NDUFS4: variants seen among roughly 807,000 people sequenced by gnomAD.
NDUFS4 encodes the protein NADH:ubiquinone oxidoreductase subunit S4, also known as NADH dehydrogenase [ubiquinone] iron-sulfur protein 4, mitochondrial.
A neutral mutation model predicts 24.3 loss-of-function variants in NDUFS4; 28 were observed. The observed-to-expected ratio is 1.15, with a 90% CI of 0.85 to 1.58. The LOEUF (loss-of-function observed/expected upper bound fraction) is 1.58, where lower values mean the gene tolerates loss of function less well. Ranked by LOEUF, NDUFS4 falls within the 40% of genes most tolerant of loss-of-function variation. The pLI is 0.00. For synonymous variants in NDUFS4, 93 were observed against 69.7 expected, an observed-to-expected ratio of 1.34 and a Z score of -1.67; for missense variants, 223 against 207.9, an observed-to-expected ratio of 1.07 and a Z score of -0.45.
At chr5:53,632,946 A>G (rs1013065788) in intron 2 of NDUFS4, among the ~76,000 whole-genome samples, 6 of 152,138 alleles carry the variant, frequency 3.9e-5, no homozygotes, top group African/African-American at 1.4e-4. Context: ...GATGTTCTCA[A>G]TTCTCTTTAT....
chr5:53,584,810 C>T (rs184263351), intron 1 of NDUFS4, among the ~76,000 whole-genome samples: 1 of 151,944 alleles, frequency 6.6e-6, no homozygotes, highest in Admixed American at 6.6e-5. Context: ...CTCTGTCGCC[C>T]AAGGTGGAGT....
chr5:53,632,356 C>A (rs1184987239), intron 2 of NDUFS4, among the ~76,000 whole-genome samples: 4 of 152,168 alleles, frequency 2.6e-5, no homozygotes, highest in African/African-American at 9.7e-5. Flanking sequence ...AGTTGCTCTT[C>A]TTCTTACGTT....
At position 53,658,418 on chromosome 5, in the gene NDUFS4, A is replaced by G. The variant is rs369970681; in HGVS notation, c.351-133A>G. 13 of 663,394 alleles carry G rather than the reference A, an allele frequency of 2.0e-5. No homozygotes were observed. The East Asian group carries it at 3.1e-4, about 16-fold the overall frequency. 41.1% of individuals were successfully genotyped at this position (663,394 alleles called of 1,614,324 possible). ...GTATTCCAACTAACAGTTTTAAAGA[A>G]ATTATTACAAATAAAATATTCCATC... On this transcript the variant is annotated intron_variant, in intron 3 of 4. Coordinates refer to ENST00000296684, the MANE Select transcript of NDUFS4 (RefSeq NM_002495.4).
At chr5:53,598,734 A>G (rs1248120889) in intron 1 of NDUFS4, among the ~76,000 whole-genome samples, 1 of 152,220 alleles carries the variant, frequency 6.6e-6, no homozygotes, top group Non-Finnish European at 1.5e-5. Flanking sequence ...AGTTAGAAAT[A>G]AGGTTTATTG....
At position 53,591,461 on chromosome 5, in the gene NDUFS4, T is replaced by TGGG. The variant is rs374748766; in HGVS notation, c.99-11981_99-11979dup. 5.1e-3 allele frequency among the ~76,000 whole-genome samples: 412 copies of TGGG among 80,958 alleles called. 2 individuals carry two copies. The highest frequency in any genetic ancestry group is 8.3e-3 in the African/African-American group (164 of 19,790). 53.1% of individuals were successfully genotyped at this position (80,958 alleles called of 152,430 possible). A position where few individuals can be genotyped will look rare whatever the true frequency, so the allele number is the denominator to read the frequency against. ...CTTGCTACTTTTTGTTTGTTTTTTTTGGGGGGGGGGGGTGATAATAACTAT... is the reference window on the plus strand; with the variant it reads ...CTTGCTACTTTTTGTTTGTTTTTTTTGGGGGGGGGGGGGGGTGATAATAACTAT... On this transcript the variant is annotated intron_variant, in intron 1 of 4. Coordinates refer to ENST00000296684, the MANE Select transcript of NDUFS4 (RefSeq NM_002495.4).
intron 1 of NDUFS4, among the ~76,000 whole-genome samples, chr5:53,600,906 G>A (rs1750293138): frequency 6.6e-6 from 1 of 151,532 alleles, no homozygotes; most frequent in African/African-American, 2.4e-5. Flanking sequence ...TAACTTTATG[G>A]TAGGATTGTT....
rs1429314430 is a variant in NDUFS4 at position 53,646,357 on chromosome 5, T to A, written c.302T>A (p.Phe101Tyr). 6.2e-7 allele frequency: 1 copy of A among 1,613,904 alleles called. No homozygotes were observed. The highest frequency in any genetic ancestry group is 1.1e-5 in the South Asian group (1 of 91,068). Residue 101 changes from phenylalanine to tyrosine, a missense_variant, in exon 3 of 5, where the codon TTT becomes TAT. By Grantham distance (22) the Phe-to-Tyr change is conservative. Coordinates refer to ENST00000296684, the MANE Select transcript of NDUFS4 (RefSeq NM_002495.4). Reference sequence around the variant, plus strand: ...AACACAAAGAAATGGAAGATGGAGTTTGATACCAGAGAGCGATGGGAAAAT... The same window carrying A: ...AACACAAAGAAATGGAAGATGGAGTATGATACCAGAGAGCGATGGGAAAAT... ...VNNTKKWKME[F>Y]DTRERWENPL... is the part of the protein sequence containing the mutation.
chr5:53,657,104 T>C (rs187143446), intron 3 of NDUFS4, among the ~76,000 whole-genome samples: 289 of 152,334 alleles, frequency 1.9e-3, no homozygotes, highest in Admixed American at 4.2e-3. Context: ...AACAGAGTTC[T>C]GATCTCCTGG....
At chr5:53,580,593 A>G (rs10036010) in intron 1 of NDUFS4, among the ~76,000 whole-genome samples, 19,240 of 152,228 alleles carry the variant, frequency 0.13, 1,293 homozygotes, top group Middle Eastern at 0.16. Context: ...CAAATCCAGC[A>G]TACCTGAAAC....
intron 4 of NDUFS4, among the ~76,000 whole-genome samples, chr5:53,675,032 T>C (rs1740411656): frequency 6.6e-6 from 1 of 151,932 alleles, no homozygotes; most frequent in Non-Finnish European, 1.5e-5. Flanking sequence ...AAAGTACTTG[T>C]AGCTTAAAAT....
chr5:53,599,887 T>C (rs1007835776), intron 1 of NDUFS4, among the ~76,000 whole-genome samples: 1 of 152,142 alleles, frequency 6.6e-6, no homozygotes, highest in Non-Finnish European at 1.5e-5. Flanking sequence ...TTCACTGATG[T>C]GACATTCCTT....
intron 2 of NDUFS4, among the ~76,000 whole-genome samples, chr5:53,632,245 C>A (rs1751430898): frequency 6.6e-6 from 1 of 152,174 alleles, no homozygotes. Flanking sequence ...ATTTTACTGT[C>A]TTCCTTTATA....
At chr5:53,673,464 A>G (rs962538921) in intron 4 of NDUFS4, among the ~76,000 whole-genome samples, 1 of 152,140 alleles carries the variant, frequency 6.6e-6, no homozygotes, top group East Asian at 1.9e-4. Context: ...GAACAGTTAG[A>G]TATAGAATCA....
intron 2 of NDUFS4, among the ~76,000 whole-genome samples, chr5:53,644,813 C>T (rs1751810963): frequency 6.6e-6 from 1 of 152,012 alleles, no homozygotes; most frequent in Non-Finnish European, 1.5e-5. Context: ...AGTAGCCACA[C>T]CTAATTATTG....
At chr5:53,608,452 A>G (rs1561359921) in intron 2 of NDUFS4, among the ~76,000 whole-genome samples, 4 of 152,144 alleles carry the variant, frequency 2.6e-5, no homozygotes, top group Admixed American at 6.5e-5. Flanking sequence ...CATTTTACTC[A>G]CAGTGGAACT....
rs1350006081 is a variant in NDUFS4 at position 53,648,154 on chromosome 5, A to G, written c.350+1749A>G. Among the ~76,000 whole-genome samples the G allele has an allele frequency of 1.3e-5, 2 of 152,180 alleles. 1 individual carries two copies. The highest frequency in any genetic ancestry group is 2.9e-5 in the Non-Finnish European group (2 of 68,028). ...AGTCTTGAGCACTCACTGGTAATAA[A>G]GCTGAGAAATAGATACTTACCCAAC... On this transcript the variant is annotated intron_variant, in intron 3 of 4. Transcript: ENST00000296684.
intron 2 of NDUFS4, chr5:53,604,913 G>A: frequency 2.2e-6 from 1 of 456,008 alleles, no homozygotes; most frequent in Non-Finnish European, 4.4e-6. Context: ...AACACCACTT[G>A]CTTAGTCAAG....
At chr5:53,570,269 TGTA>T (rs1003749033) in intron 1 of NDUFS4, among the ~76,000 whole-genome samples, 1 of 152,192 alleles carries the variant, frequency 6.6e-6, no homozygotes, top group Non-Finnish European at 1.5e-5. Context: ...GTAATATAAA[TGTA>T]GTCATATATA....
chr5:53,663,072 A>G (rs942312151), intron 4 of NDUFS4, among the ~76,000 whole-genome samples: 1 of 151,836 alleles, frequency 6.6e-6, no homozygotes, highest in African/African-American at 2.4e-5. Context: ...CCTTCATTTC[A>G]TTATGTACCC....
Sources: gnomAD v4.1 joint callset for allele counts (sites outside exome capture counted in the v4.1 genomes callset) on GRCh38, gnomAD v4.1.1 for gene constraint, MANE v1.5 for transcripts, NCBI Gene and HGNC (gene_info 2026-07-23, HGNC 2026-07-21) for gene names.